DOCK11: variants seen among roughly 807,000 people sequenced by gnomAD.
The protein encoded by DOCK11 is dedicator of cytokinesis 11, also known as dedicator of cytokinesis protein 11.
Under a neutral mutation model 169.1 loss-of-function variants are expected in DOCK11, and 70 were observed. The observed-to-expected ratio is 0.41, with a 90% CI of 0.34 to 0.51. The LOEUF (loss-of-function observed/expected upper bound fraction) is 0.51, where lower values mean the gene tolerates loss of function less well. DOCK11 is among the 20% of genes least tolerant of loss of function. The pLI is 0.10. For missense variants in DOCK11, 1,166 were observed against 1,538.8 expected, an observed-to-expected ratio of 0.76 and a Z score of 4.05; for synonymous variants, 529 against 541.3, an observed-to-expected ratio of 0.98 and a Z score of 0.32.
rs182120065 is a variant in DOCK11 at position 118,568,503 on chromosome X, C to T, written c.1035+341C>T. Among the ~76,000 whole-genome samples the T allele has an allele frequency of 4.8e-3, 483 of 101,684 alleles. 2 individuals are homozygous for T. The highest frequency in any genetic ancestry group is 0.016 in the African/African-American group (453 of 27,906). The allele number at this position is 101,684 out of a possible 115,157, so 88.3% of individuals were successfully genotyped here. A position where few individuals can be genotyped will look rare whatever the true frequency, so the allele number is the denominator to read the frequency against. On this transcript the variant is annotated intron_variant, in intron 10 of 52. Coordinates refer to ENST00000276202, the MANE Select transcript of DOCK11 (RefSeq NM_144658.4). ...ATTAAAGCACCGTTAAAGATGGTTA[C>T]AGTGTTCTTTTAGCCCATGAAATAC... is the stretch of plus-strand genomic sequence containing the variant.
At chrX:118,682,911 A>G (rs1319794956) in intron 51 of DOCK11, among the ~76,000 whole-genome samples, 168 bp from the exon 52 acceptor site, 1 of 112,163 alleles carries the variant, frequency 8.9e-6, no homozygotes, top group Non-Finnish European at 1.9e-5. Context: ...GAAAGAAGGC[A>G]TTTCAGACTT....
intron 16 of DOCK11, among the ~76,000 whole-genome samples, chrX:118,586,543 G>A (rs1007363586): frequency 9.0e-6 from 1 of 111,463 alleles, no homozygotes; most frequent in African/African-American, 3.3e-5. Flanking sequence ...TCAACACCTG[G>A]GGATTACAAT....
At chrX:118,681,017 G>A (rs377501539) in intron 49 of DOCK11, 41 bp from the exon 50 acceptor site, 1 of 1,090,568 alleles carries the variant, frequency 9.2e-7, no homozygotes, top group Non-Finnish European at 1.2e-6. Flanking sequence ...TTGAACAAAT[G>A]ATTTTCTAAA....
rs772242520 is a variant in DOCK11, at chrX:118,558,014, G to A, written c.559-3369G>A. 3.8e-4 allele frequency among the ~76,000 whole-genome samples: 37 copies of A among 96,278 alleles called. No individual in the cohort carries two copies. In the South Asian group the frequency reaches 0.018, roughly 46 times the overall value. 83.6% of individuals were successfully genotyped at this position (96,278 alleles called of 115,157 possible). ...TTTTGAGACGGAGTCTTGCTGTCTC[G>A]CCCAGGCTGGAGTGCAGTGGTGTGA... On this transcript the variant is annotated intron_variant, in intron 6 of 52. Transcript: ENST00000276202.
At chrX:118,542,457 C>A (rs935092669) in intron 1 of DOCK11, among the ~76,000 whole-genome samples, 2 of 110,515 alleles carry the variant, frequency 1.8e-5, no homozygotes, top group African/African-American at 6.6e-5. Context: ...AGGCATGAGC[C>A]ACCATGCCCA....
intron 1 of DOCK11, among the ~76,000 whole-genome samples, chrX:118,542,044 A>C: frequency 8.9e-6 from 1 of 112,086 alleles, no homozygotes; most frequent in East Asian, 2.8e-4. Flanking sequence ...CGTTGCCCAG[A>C]GAGTAGTACA....
chrX:118,608,588 C>T, intron 26 of DOCK11, among the ~76,000 whole-genome samples: 1 of 111,396 alleles, frequency 9.0e-6, no homozygotes, highest in Non-Finnish European at 1.9e-5. Context: ...ATCAGATAGA[C>T]CTGAGTTAGA....
At chrX:118,672,601 AT>A (rs774806384) in intron 46 of DOCK11, among the ~76,000 whole-genome samples, 24 of 111,077 alleles carry the variant, frequency 2.2e-4, no homozygotes, top group Middle Eastern at 4.4e-3. Context: ...CCCGACTAAT[AT>A]TTTTTTGTAT....
rs191675930 is a variant in DOCK11 at position 118,588,464 on chromosome X, G to A, written c.2032G>A (p.Ala678Thr). 2.1e-5 allele frequency: 25 copies of A among 1,184,923 alleles called. No homozygotes were observed. The African/African-American group carries it at 2.7e-4, about 13-fold the overall frequency. The change falls in exon 18 of 53, where the codon GCT becomes ACT. Residue 678 changes from alanine (A) to threonine (T), a missense_variant. Coordinates refer to ENST00000276202, the MANE Select transcript of DOCK11 (RefSeq NM_144658.4). The part of the protein sequence containing the change: ...VEFRDSDESD[A>T]SALKCIYGKP... Reference sequence around the variant, plus strand: ...ATTCCGGGATTCAGATGAAAGTGACGCTAGTGCCCTAAAGGTTTGTTTATG... The same window carrying A: ...ATTCCGGGATTCAGATGAAAGTGACACTAGTGCCCTAAAGGTTTGTTTATG...
intron 1 of DOCK11, among the ~76,000 whole-genome samples, chrX:118,501,883 A>G: frequency 8.9e-6 from 1 of 111,852 alleles, no homozygotes; most frequent in Non-Finnish European, 1.9e-5. Context: ...TTGCAGTTTG[A>G]TAGGAAATAA....
chrX:118,619,824 T>G (rs2014925413), intron 31 of DOCK11, among the ~76,000 whole-genome samples: 1 of 104,569 alleles, frequency 9.6e-6, no homozygotes. Flanking sequence ...TTTTCTTTCT[T>G]TTTTTTTTTT....
At chrX:118,631,474 A>G (rs2147496639) in intron 35 of DOCK11, among the ~76,000 whole-genome samples, 1 of 112,011 alleles carries the variant, frequency 8.9e-6, no homozygotes, top group South Asian at 3.7e-4. Flanking sequence ...TATGTTGTGG[A>G]ATCTGGAAAT....
chrX:118,510,289 A>T (rs1300455005), intron 1 of DOCK11, among the ~76,000 whole-genome samples: 1 of 112,572 alleles, frequency 8.9e-6, no homozygotes, highest in Non-Finnish European at 1.9e-5. Flanking sequence ...AGCCAGGCGC[A>T]GAAGTCTTCA....
At chrX:118,534,009 A>G (rs2011669068) in intron 1 of DOCK11, among the ~76,000 whole-genome samples, 1 of 112,472 alleles carries the variant, frequency 8.9e-6, no homozygotes, top group Non-Finnish European at 1.9e-5. Context: ...CTTTCTGTCA[A>G]TAATGGTGTA....
At chrX:118,624,754 C>CT (rs368211104) in intron 32 of DOCK11, 99 bp downstream of exon 32, 24,512 of 213,565 alleles carry the variant, frequency 0.11, 291 homozygotes, top group East Asian at 0.13. Context: ...TAAGAGTTCA[C>CT]TTTTTTTTTT....
chrX:118,545,208 A>G (rs1318453517), intron 4 of DOCK11, 115 bp from the exon 5 acceptor site: 1 of 457,870 alleles, frequency 2.2e-6, no homozygotes, highest in Non-Finnish European at 3.5e-6. Context: ...TGTGAAAGAA[A>G]GAAATCTGCT....
chrX:118,529,552 T>G (rs2011460517), intron 1 of DOCK11, among the ~76,000 whole-genome samples: 1 of 111,982 alleles, frequency 8.9e-6, no homozygotes, highest in South Asian at 3.7e-4. Context: ...ATTTGTACTT[T>G]GCTCATTTGA....
intron 1 of DOCK11, among the ~76,000 whole-genome samples, chrX:118,529,723 G>A (rs970140592): frequency 9.0e-6 from 1 of 111,669 alleles, no homozygotes; most frequent in African/African-American, 3.3e-5. Context: ...GAATAGCTCT[G>A]GGTTTCAGAA....
At chrX:118,613,598 T>C (rs2014736298) in intron 28 of DOCK11, among the ~76,000 whole-genome samples, 1 of 112,485 alleles carries the variant, frequency 8.9e-6, no homozygotes, top group Non-Finnish European at 1.9e-5. Context: ...TAAGACCAGA[T>C]AGAAGTAGCG....
Sources: allele counts gnomAD v4.1 joint callset (sites outside exome capture counted in the v4.1 genomes callset), GRCh38; gene constraint gnomAD v4.1.1; transcripts MANE v1.5; gene names NCBI Gene and HGNC (gene_info 2026-07-23, HGNC 2026-07-21).